Variants in VEPH1 observed in about 807,000 individuals in gnomAD.
VEPH1 encodes the protein ventricular zone-expressed PH domain-containing protein homolog 1.
A neutral mutation model predicts 85.2 loss-of-function variants in VEPH1; 80 were observed. The observed-to-expected ratio is 0.94, with a 90% CI of 0.78 to 1.13. VEPH1 has a LOEUF of 1.13. Ranked by LOEUF, VEPH1 falls within the 50% of genes most tolerant of loss-of-function variation. The pLI, the probability that VEPH1 is intolerant of heterozygous loss-of-function variation, is 0.00. For missense variants in VEPH1, 955 were observed against 980.5 expected (o/e 0.97, Z 0.35); for synonymous variants, 297 against 348.0 (o/e 0.85, Z 1.63).
chr3:157,309,098 A>G (rs1209638266), intron 11 of VEPH1, among the ~76,000 whole-genome samples: 2 of 151,942 alleles, frequency 1.3e-5, no homozygotes, highest in African/African-American at 4.8e-5. Flanking sequence ...TGTTATTATT[A>G]TTATTATTAT....
chr3:157,388,947 C>T (rs1729575084), intron 6 of VEPH1, among the ~76,000 whole-genome samples: 1 of 151,960 alleles, frequency 6.6e-6, no homozygotes, highest in African/African-American at 2.4e-5. Context: ...GAGGGATGAC[C>T]ATATATAATA....
At chr3:157,298,082 C>T (rs1394643567) in intron 11 of VEPH1, among the ~76,000 whole-genome samples, 1 of 152,184 alleles carries the variant, frequency 6.6e-6, no homozygotes. Context: ...AAAGGGAAGA[C>T]TAAACAGGTG....
chr3:157,389,199 T>C (rs977926693), intron 6 of VEPH1, among the ~76,000 whole-genome samples: 2 of 152,178 alleles, frequency 1.3e-5, no homozygotes, highest in African/African-American at 4.8e-5. Flanking sequence ...AGCAAGGTAA[T>C]TTATGCCTGA....
chr3:157,414,657 T>A (rs974118536), intron 5 of VEPH1, among the ~76,000 whole-genome samples: 14 of 152,180 alleles, frequency 9.2e-5, no homozygotes, highest in Non-Finnish European at 2.1e-4. Flanking sequence ...TATCTTAATA[T>A]TTTTTCTTGA....
intron 11 of VEPH1, among the ~76,000 whole-genome samples, chr3:157,291,201 A>G (rs771572707): frequency 6.6e-6 from 1 of 152,228 alleles, no homozygotes; most frequent in African/African-American, 2.4e-5. Context: ...ACATGTAAGC[A>G]AGTATTTTTA....
At chr3:157,468,569 C>T (rs1736609309) in intron 3 of VEPH1, among the ~76,000 whole-genome samples, 1 of 151,834 alleles carries the variant, frequency 6.6e-6, no homozygotes. Flanking sequence ...AGCGAGACTC[C>T]ATCTCAAAAT....
At chr3:157,318,227 AT>A (rs1489566077) in intron 9 of VEPH1, among the ~76,000 whole-genome samples, 1 of 152,112 alleles carries the variant, frequency 6.6e-6, no homozygotes, top group South Asian at 2.1e-4. Flanking sequence ...TATACTGGGG[AT>A]TTTTTTAATC....
chr3:157,497,923 A>T (rs1201827530), intron 1 of VEPH1, among the ~76,000 whole-genome samples: 1 of 152,180 alleles, frequency 6.6e-6, no homozygotes, highest in East Asian at 1.9e-4. Flanking sequence ...AGACTTACAC[A>T]TTATTTTTCA....
At chr3:157,495,061 T>C in intron 2 of VEPH1, 151 bp downstream of exon 2, 3 of 728,836 alleles carry the variant, frequency 4.1e-6, no homozygotes, top group South Asian at 6.1e-5. Context: ...ATTTCTTAGA[T>C]GCCAACAAAA....
At position 157,489,068 on chromosome 3, in the gene VEPH1, C is replaced by T. The variant is rs868455320; in HGVS notation, c.138+6144G>A. ...CTGAACACTTACCACCACCACTGCTCCATGATGGTCAGAACCTCTGCTTCT... is the reference window on the plus strand; with the variant it reads ...CTGAACACTTACCACCACCACTGCTTCATGATGGTCAGAACCTCTGCTTCT... On this transcript the variant is annotated intron_variant, in intron 2 of 13. Transcript: ENST00000362010. 1.1e-3 allele frequency: 487 copies of T among 455,834 alleles called. 6 individuals are homozygous for T. Among genetic ancestry groups the T allele is most frequent in the South Asian group, 5.3e-3 (341 of 64,448 alleles). The allele number at this position is 455,834 out of a possible 1,614,324, so 28.2% of individuals were successfully genotyped here. A position where few individuals can be genotyped will look rare whatever the true frequency, so the allele number is the denominator to read the frequency against.
chr3:157,359,715 G>T (rs1385177704), intron 9 of VEPH1, among the ~76,000 whole-genome samples: 1 of 152,184 alleles, frequency 6.6e-6, no homozygotes, highest in African/African-American at 2.4e-5. Flanking sequence ...GACCAGTGAG[G>T]TTCCTATTCA....
chr3:157,349,221 G>T (rs1024326915), intron 9 of VEPH1, among the ~76,000 whole-genome samples: 8 of 152,126 alleles, frequency 5.3e-5, no homozygotes, highest in African/African-American at 1.9e-4. Flanking sequence ...ATGCAAAATG[G>T]TTCAATATAT....
chr3:157,290,854 TATA>T (rs1408627641), intron 11 of VEPH1, among the ~76,000 whole-genome samples: 1 of 152,216 alleles, frequency 6.6e-6, no homozygotes, highest in Non-Finnish European at 1.5e-5. Flanking sequence ...TGGAAAACTC[TATA>T]ATAAGTCTAA....
At chr3:157,470,213 C>G in intron 3 of VEPH1, 101 bp downstream of exon 3, 1 of 1,083,508 alleles carries the variant, frequency 9.2e-7, no homozygotes, top group Non-Finnish European at 1.4e-6. Flanking sequence ...TTTACAGTAT[C>G]TAAATGCTGC....
At chr3:157,299,597 CCT>C (rs1157119389) in intron 11 of VEPH1, among the ~76,000 whole-genome samples, 7 of 148,452 alleles carry the variant, frequency 4.7e-5, no homozygotes, top group Admixed American at 6.7e-5. Flanking sequence ...AAGAAAGAAA[CCT>C]TTATCATGAC....
At chr3:157,403,580 T>C (rs1209322202) in intron 6 of VEPH1, among the ~76,000 whole-genome samples, 1 of 152,068 alleles carries the variant, frequency 6.6e-6, no homozygotes, top group Admixed American at 6.6e-5. Context: ...AGCAGAGGGA[T>C]TGGATTTTAT....
At chr3:157,278,650 G>A (rs975908964) in intron 12 of VEPH1, among the ~76,000 whole-genome samples, 7 of 152,172 alleles carry the variant, frequency 4.6e-5, no homozygotes, top group African/African-American at 1.4e-4. Context: ...CATTATTGTA[G>A]GTAAAAGGTG....
chr3:157,349,025 C>A (rs765156715), intron 9 of VEPH1, among the ~76,000 whole-genome samples: 8 of 152,192 alleles, frequency 5.3e-5, no homozygotes, highest in Non-Finnish European at 8.8e-5. Flanking sequence ...ATCCCTGATA[C>A]CAAAACCAGA....
chr3:157,485,367 T>C (rs546565163), intron 2 of VEPH1, among the ~76,000 whole-genome samples: 1 of 152,178 alleles, frequency 6.6e-6, no homozygotes, highest in African/African-American at 2.4e-5. Context: ...CCAACAGCAA[T>C]TGGAAGATTG....
Sources: gnomAD v4.1 joint callset for allele counts (sites outside exome capture counted in the v4.1 genomes callset) on GRCh38, gnomAD v4.1.1 for gene constraint, MANE v1.5 for transcripts, NCBI Gene and HGNC (gene_info 2026-07-23, HGNC 2026-07-21) for gene names.